The following TENM2 variants were observed in gnomAD, a reference collection of about 807,000 sequenced individuals.
The protein encoded by TENM2 is teneurin-2.
Under a neutral mutation model 245.2 loss-of-function variants are expected in TENM2, and 52 were observed. That is an observed-to-expected ratio of 0.21 (90% CI 0.17 to 0.27). The LOEUF (loss-of-function observed/expected upper bound fraction) is 0.27. Among genes scored for constraint, TENM2 ranks in the 10% least tolerant of loss-of-function variants. TENM2 has a pLI of 1.00. For synonymous variants in TENM2, 1,363 were observed against 1,438.9 expected, an observed-to-expected ratio of 0.95 and a Z score of 1.19; for missense variants, 3,046 against 3,666.8, an observed-to-expected ratio of 0.83 and a Z score of 4.37.
chr5:168,068,812 A>G (rs1790728657), intron 7 of TENM2, among the ~76,000 whole-genome samples: 1 of 150,370 alleles, frequency 6.7e-6, no homozygotes, highest in Admixed American at 6.7e-5. Context: ...GGTATCTTTT[A>G]TACTTCTCTT....
chr5:168,226,169 T>C, exon 24 of TENM2: 2 of 1,613,724 alleles, frequency 1.2e-6, no homozygotes, highest in Non-Finnish European at 1.7e-6. Context: ...TGGAGAAATC[T>C]ATTACCATTG....
chr5:167,446,077 T>C (rs1227107829), intron 2 of TENM2, among the ~76,000 whole-genome samples: 3 of 152,202 alleles, frequency 2.0e-5, no homozygotes, highest in African/African-American at 7.2e-5. Flanking sequence ...TCAAAAATTA[T>C]CTTCTTGTTT....
Position 168,022,237 on chromosome 5 carries a change from C to T in TENM2, c.1187-25190C>T, listed in dbSNP as rs556636420. Among the ~76,000 whole-genome samples the T allele has an allele frequency of 2.0e-5, 3 of 152,342 alleles. No individual in the cohort carries two copies. The East Asian group carries it at 5.8e-4, about 29-fold the overall frequency. On this transcript the variant is annotated intron_variant, in intron 5 of 28. Transcript: ENST00000518659. ...GAGAAGAGCAGCCGGGAGCTCCGCT[C>T]CTCTGGAGTTTTCTCTCTGGTATCA...
intron 12 of TENM2, chr5:168,129,249 C>G (rs969292501): frequency 3.9e-5 from 6 of 152,206 alleles, no homozygotes; most frequent in African/African-American, 1.4e-4. Flanking sequence ...TTCGGTCAAG[C>G]TAGTCCTTTG....
chr5:167,651,909 T>C (rs1754495613), intron 2 of TENM2, among the ~76,000 whole-genome samples: 1 of 152,164 alleles, frequency 6.6e-6, no homozygotes, highest in Admixed American at 6.6e-5. Flanking sequence ...GAAGAGAGTA[T>C]AGCACAGTCA....
the TENM2 span, among the ~76,000 whole-genome samples, chr5:167,112,158 T>A: frequency 1.3e-5 from 2 of 152,190 alleles, no homozygotes; most frequent in Non-Finnish European, 2.9e-5. Context: ...GACAACTTCA[T>A]CATTGTTCCT....
intron 5 of TENM2, among the ~76,000 whole-genome samples, chr5:168,036,855 C>A (rs1787755994): frequency 1.3e-5 from 2 of 151,412 alleles, no homozygotes; most frequent in Admixed American, 6.6e-5. Flanking sequence ...AAATGTAGTT[C>A]TTTTTTATAG....
At chr5:168,014,706 AC>A (rs1314285301) in intron 5 of TENM2, among the ~76,000 whole-genome samples, 1 of 152,206 alleles carries the variant, frequency 6.6e-6, no homozygotes, top group African/African-American at 2.4e-5. Context: ...AGATGAAATC[AC>A]CCTTAATGGA....
At chr5:167,663,796 A>G (rs1021395663) in intron 2 of TENM2, among the ~76,000 whole-genome samples, 5 of 152,218 alleles carry the variant, frequency 3.3e-5, no homozygotes, top group African/African-American at 1.2e-4. Context: ...ATATGCGTCA[A>G]ATTTTTCTAT....
At chr5:167,930,287 G>T (rs756150168) in intron 3 of TENM2, among the ~76,000 whole-genome samples, 1 of 151,984 alleles carries the variant, frequency 6.6e-6, no homozygotes. Flanking sequence ...TTTAATCAAG[G>T]TGCTTAGGGA....
the TENM2 span, among the ~76,000 whole-genome samples, chr5:167,103,187 C>T: frequency 5.3e-5 from 8 of 152,110 alleles, no homozygotes; most frequent in South Asian, 2.1e-4. Flanking sequence ...AAGTCTTCCG[C>T]GGAACAGTCC....
At chr5:167,436,756 C>T (rs1171846219) in intron 2 of TENM2, among the ~76,000 whole-genome samples, 6 of 152,098 alleles carry the variant, frequency 3.9e-5, no homozygotes, top group Non-Finnish European at 1.5e-5. Flanking sequence ...GCAGCCATGA[C>T]TAAAAGGGGC....
chr5:167,410,275 G>T (rs1762839301), intron 2 of TENM2, among the ~76,000 whole-genome samples: 1 of 151,926 alleles, frequency 6.6e-6, no homozygotes, highest in African/African-American at 2.4e-5. Flanking sequence ...GAGACAGATG[G>T]CCTATCTTTA....
chr5:167,985,026 C>A (rs1783131174), intron 4 of TENM2, among the ~76,000 whole-genome samples: 1 of 152,150 alleles, frequency 6.6e-6, no homozygotes, highest in African/African-American at 2.4e-5. Flanking sequence ...CTCCTGAAAA[C>A]CTAATTACAG....
rs533257314 is a variant in TENM2 at position 167,570,549 on chromosome 5, T to C, written c.502+195076T>C. Reference sequence around the variant, plus strand: ...AGAGTCAAGGTCGTATGTAGAATAATGTCATTCTCCTTTCATTCAGATTCC... The same window carrying C: ...AGAGTCAAGGTCGTATGTAGAATAACGTCATTCTCCTTTCATTCAGATTCC... On this transcript the variant is annotated intron_variant, in intron 2 of 28. Coordinates refer to ENST00000518659, the Ensembl canonical transcript of TENM2. Among the ~76,000 whole-genome samples, 22 of 152,288 alleles carry C rather than the reference T, an allele frequency of 1.4e-4. No homozygotes were observed. The South Asian group carries it at 1.5e-3, about 10-fold the overall frequency.
chr5:167,391,647 A>AAAAAAAAAAAAAAAAAAAAAAT (rs70976420), intron 2 of TENM2, among the ~76,000 whole-genome samples: 1 of 126,838 alleles, frequency 7.9e-6, no homozygotes, highest in Non-Finnish European at 1.6e-5. Context: ...AAAAAAAAAA[A>AAAAAAAAAAAAAAAAAAAAAAT]GCACTCTCAA....
chr5:167,175,079 T>C, the TENM2 span, among the ~76,000 whole-genome samples: 1 of 152,210 alleles, frequency 6.6e-6, no homozygotes, highest in Non-Finnish European at 1.5e-5. Context: ...TTTATCCATT[T>C]ACAGGCATTG....
chr5:167,665,043 G>T (rs1561651788), intron 2 of TENM2, among the ~76,000 whole-genome samples: 1 of 152,128 alleles, frequency 6.6e-6, no homozygotes, highest in South Asian at 2.1e-4. Context: ...TGCAAATGGA[G>T]GGAATACAGT....
At chr5:167,678,758 T>C (rs1756507945) in intron 2 of TENM2, among the ~76,000 whole-genome samples, 1 of 152,118 alleles carries the variant, frequency 6.6e-6, no homozygotes, top group South Asian at 2.1e-4. Flanking sequence ...CAGCCAATTT[T>C]CTTGGCTGAC....
Sources: allele counts gnomAD v4.1 joint callset (sites outside exome capture counted in the v4.1 genomes callset), GRCh38; gene constraint gnomAD v4.1.1; transcripts MANE v1.5; gene names NCBI Gene and HGNC (gene_info 2026-07-23, HGNC 2026-07-21).